The following ZNF841 variants were observed in gnomAD, a reference collection of about 807,000 sequenced individuals.
ZNF841 encodes the protein zinc finger protein 841, also known as TCONS_00006091.
In ZNF841, 11 loss-of-function variants were observed where a neutral mutation model predicts 13.0. The ratio of observed to expected loss-of-function variants is 0.85; its 90% CI spans 0.53 to 1.40. The LOEUF is 1.40. Ranked by LOEUF, ZNF841 falls within the 40% of genes most tolerant of loss-of-function variation. The pLI, the probability that ZNF841 is intolerant of heterozygous loss-of-function variation, is 0.00. For missense variants in ZNF841, 1,068 were observed against 1,139.5 expected (o/e 0.94, Z 0.90); for synonymous variants, 369 against 381.6 (o/e 0.97, Z 0.38).
intron 2 of ZNF841, among the ~76,000 whole-genome samples, chr19:52,089,539 C>T (rs1187007116): frequency 6.6e-6 from 1 of 151,940 alleles, no homozygotes; most frequent in Non-Finnish European, 1.5e-5. Flanking sequence ...TTCAGCTACT[C>T]GGGAGGCTGA....
Position 52,066,269 on chromosome 19 carries a change from T to C in ZNF841, c.1613A>G (p.Glu538Gly). The C allele has an allele frequency of 6.2e-7, 1 of 1,614,096 alleles. No homozygotes were observed. The highest frequency in any genetic ancestry group is 1.3e-5 in the African/African-American group (1 of 75,066). Residue 538 changes from glutamate to glycine, a missense_variant, in exon 7 of 7, where the codon GAG (glutamate) becomes GGG (glycine). By Grantham distance (98) the Glu-to-Gly change is moderately conservative (BLOSUM62 -2). Transcript: ENST00000594440. ...ACACACATTACATTTGTAAGGTTTC[T>C]CTCCGGTATGAATTCTCTGATGTAC... Reference protein sequence around the residue: ...LTVHQRIHTGEKPYKCNVCGK... With the variant: ...LTVHQRIHTGGKPYKCNVCGK...
At chr19:52,067,824 T>C (rs1344288526) in intron 6 of ZNF841, among the ~76,000 whole-genome samples, 1 of 152,136 alleles carries the variant, frequency 6.6e-6, no homozygotes, top group Non-Finnish European at 1.5e-5. Context: ...TAGGAAAGCC[T>C]AGTTTCAAAC....
At chr19:52,090,240 C>T (rs1600106560) in intron 2 of ZNF841, among the ~76,000 whole-genome samples, 1 of 152,074 alleles carries the variant, frequency 6.6e-6, no homozygotes, top group East Asian at 1.9e-4. Context: ...AAGATCTGTA[C>T]ACTGAAAGCT....
chr19:52,065,240 T>A lies in ZNF841; in HGVS notation c.2642A>T (p.Glu881Val), dbSNP rs1015144725. ...GCGACTAATGTAAGATTTGCCACACTCATTACATTTATAAGGTTTTTCACT... is the reference window on the plus strand; with the variant it reads ...GCGACTAATGTAAGATTTGCCACACACATTACATTTATAAGGTTTTTCACT... Reference protein sequence around the residue: ...HSSEKPYKCNECGKSYISRSG... With the variant: ...HSSEKPYKCNVCGKSYISRSG... Residue 881 changes from glutamate (E) to valine (V), a missense_variant, in exon 7 of 7, where the codon GAG becomes GTG. Glu to Val is a moderately radical substitution (Grantham distance 121). Transcript: ENST00000594440. 1.2e-6 allele frequency: 2 copies of A among 1,613,916 alleles called. No homozygotes were observed. Among genetic ancestry groups the A allele is most frequent in the African/African-American group, 2.7e-5 (2 of 74,910 alleles).
chr19:52,074,485 T>G (rs2087832547), intron 6 of ZNF841, among the ~76,000 whole-genome samples: 1 of 152,100 alleles, frequency 6.6e-6, no homozygotes, highest in African/African-American at 2.4e-5. Flanking sequence ...CCTGCAGAGA[T>G]GAAGCTGTGA....
intron 6 of ZNF841, among the ~76,000 whole-genome samples, chr19:52,067,914 G>GAC (rs941036255): frequency 1.3e-5 from 2 of 152,004 alleles, no homozygotes; most frequent in Admixed American, 1.3e-4. Flanking sequence ...GACCCCAAAT[G>GAC]ACACACCAAT....
chr19:52,094,495 C>T (rs1362143253), intron 1 of ZNF841, among the ~76,000 whole-genome samples: 1 of 152,082 alleles, frequency 6.6e-6, no homozygotes, highest in Non-Finnish European at 1.5e-5. Flanking sequence ...CTTCACCTCT[C>T]GTAGCTCTTT....
At chr19:52,070,375 G>C (rs1304673926) in intron 6 of ZNF841, among the ~76,000 whole-genome samples, 1 of 152,180 alleles carries the variant, frequency 6.6e-6, no homozygotes, top group African/African-American at 2.4e-5. Flanking sequence ...GCCTGTAGTG[G>C]ACAAGGGCCC....
chr19:52,066,464 G>A lies in ZNF841; in HGVS notation c.1418C>T (p.Ala473Val). Residue 473 changes from alanine (A) to valine (V), a missense_variant, in exon 7 of 7, where the codon GCA (alanine) becomes GTA (valine). By Grantham distance (64) the Ala-to-Val change is moderately conservative. Transcript: ENST00000594440. ...TCCAGTATGAATTCTCCGGTGCCCT[G>A]CAAGACGTGAACGTTGAAAGAAGAC... ...GKVFFQRSRL[A>V]GHRRIHTGEK... is the part of the protein sequence containing the mutation. 6.2e-7 allele frequency: 1 copy of A among 1,613,794 alleles called. No homozygotes were observed. Among genetic ancestry groups the A allele is most frequent in the Non-Finnish European group, 8.5e-7 (1 of 1,179,914 alleles).
rs2087481830 is a variant in ZNF841, at chr19:52,064,660, G to GTC, written c.*445_*446dup. The GTC allele has an allele frequency of 1.3e-5, 2 of 155,030 alleles. No individual in the cohort carries two copies. Among genetic ancestry groups the GTC allele is most frequent in the African/African-American group, 4.8e-5 (2 of 41,396 alleles). The allele number at this position is 155,030 out of a possible 1,614,324, so 9.6% of individuals were successfully genotyped here. On this transcript the variant is annotated 3_prime_UTR_variant, in exon 7 of 7. Coordinates refer to ENST00000594440, the MANE Select transcript of ZNF841 (RefSeq NM_001136499.2). ...TTCGTGCGTGCGTGTGCGTGATGGA[G>GTC]TCTCACTCTGTCACCCAGGCTAGAG...
chr19:52,066,567 A>C lies in ZNF841; in HGVS notation c.1315T>G (p.Tyr439Asp). The C allele has an allele frequency of 6.2e-7, 1 of 1,613,170 alleles. No individual in the cohort carries two copies. The highest frequency in any genetic ancestry group is 8.5e-7 in the Non-Finnish European group (1 of 1,179,650). Residue 439 changes from tyrosine to aspartate, a missense_variant, in exon 7 of 7, where the codon TAT (tyrosine) becomes GAT (aspartate). By Grantham distance (160) the Tyr-to-Asp change is radical (BLOSUM62 -3). Coordinates refer to ENST00000594440, the MANE Select transcript of ZNF841 (RefSeq NM_001136499.2). ...YTCDVCGKVF[Y>D]QNSQLVRHQI... ...TGCCTTACAAGTTGTGAATTCTGATAAAAGACCTTGCCACATACATCACAT... is the reference window on the plus strand; with the variant it reads ...TGCCTTACAAGTTGTGAATTCTGATCAAAGACCTTGCCACATACATCACAT...
At chr19:52,059,348 T>TAAAAAA in the ZNF841 span, among the ~76,000 whole-genome samples, 21 of 45,978 alleles carry the variant, frequency 4.6e-4, no homozygotes, top group Admixed American at 8.3e-4. Context: ...AGACTCTGTC[T>TAAAAAA]AAAAAAAAAA....
downstream of ZNF841, among the ~76,000 whole-genome samples, chr19:52,062,804 A>G (rs1409432799): frequency 1.3e-5 from 2 of 151,994 alleles, no homozygotes; most frequent in Non-Finnish European, 2.9e-5. Flanking sequence ...TTCCAGGTCA[A>G]TCCTGGATGG....
intron 3 of ZNF841, among the ~76,000 whole-genome samples, 178 bp from the exon 4 acceptor site, chr19:52,085,056 A>C (rs1250310740): frequency 1.3e-5 from 2 of 152,058 alleles, no homozygotes; most frequent in African/African-American, 4.8e-5. Flanking sequence ...TTTCTTCAGA[A>C]CTTGTTCCCC....
chr19:52,077,022 G>A lies in ZNF841; in HGVS notation c.78C>T (p.Asp26=), dbSNP rs1463432655. 1 of 1,613,404 alleles carries A rather than the reference G, an allele frequency of 6.2e-7. No individual in the cohort carries two copies. The highest frequency in any genetic ancestry group is 1.1e-5 in the South Asian group (1 of 91,072). The change falls in exon 5 of 7, where the codon GAC becomes GAT. Residue 26 remains aspartate, a synonymous_variant. Coordinates refer to ENST00000594440, the MANE Select transcript of ZNF841 (RefSeq NM_001136499.2). The stretch of plus-strand genomic sequence containing the variant: ...CCCTGTACAAAGCTTTCTGAACAGG[G>A]TCCAGGCATTTCCACTCCTCCTGAG... ...EFSQEEWKCL[D]PVQKALYRDV...
rs753799117 is a variant in ZNF841 at position 52,066,159 on chromosome 19, C to G, written c.1723G>C (p.Gly575Arg). The change falls in exon 7 of 7, where the codon GGC (glycine) becomes CGC (arginine). Residue 575 changes from glycine (G) to arginine (R), a missense_variant. Coordinates refer to ENST00000594440, the MANE Select transcript of ZNF841 (RefSeq NM_001136499.2). ...CATGAATAGTAAGTGAAGACCATGC[C>G]ACATTTATTACAATGGAGAGGTTTC... is the stretch of plus-strand genomic sequence containing the variant. The part of the protein sequence containing the change: ...GEKPLHCNKC[G>R]MVFTYYSCLA... The G allele has an allele frequency of 6.2e-7, 1 of 1,613,946 alleles. No homozygotes were observed. Among genetic ancestry groups the G allele is most frequent in the Non-Finnish European group, 8.5e-7 (1 of 1,179,924 alleles).
chr19:52,093,242 A>G (rs776807689), intron 2 of ZNF841, among the ~76,000 whole-genome samples: 4 of 152,248 alleles, frequency 2.6e-5, no homozygotes, highest in Non-Finnish European at 5.9e-5. Flanking sequence ...ATAGACATAT[A>G]CAGAGTGTTC....
At chr19:52,078,283 C>T (rs1368281869) in intron 4 of ZNF841, among the ~76,000 whole-genome samples, 1 of 151,262 alleles carries the variant, frequency 6.6e-6, no homozygotes, top group Middle Eastern at 3.2e-3. Flanking sequence ...GAGACCCCAT[C>T]TCAAAAACAA....
chr19:52,094,348 G>A (rs960128328), intron 1 of ZNF841, among the ~76,000 whole-genome samples: 2 of 152,112 alleles, frequency 1.3e-5, no homozygotes, highest in African/African-American at 4.8e-5. Context: ...GCATCTGGAT[G>A]GGGTCCTCTC....
Sources: allele counts gnomAD v4.1 joint callset (sites outside exome capture counted in the v4.1 genomes callset), GRCh38; gene constraint gnomAD v4.1.1; transcripts MANE v1.5; gene names NCBI Gene and HGNC (gene_info 2026-07-23, HGNC 2026-07-21).